OPRK1: variants seen among roughly 807,000 people sequenced by gnomAD.
OPRK1 encodes opioid receptor kappa 1.
In OPRK1, 15 loss-of-function variants were observed where a neutral mutation model predicts 24.5. That is an observed-to-expected ratio of 0.61 (90% CI 0.41 to 0.94). The LOEUF is 0.94. Ranked by LOEUF, OPRK1 falls within the 40% of genes least tolerant of loss-of-function variation. OPRK1 has a pLI of 0.00. For missense variants in OPRK1, 479 were observed against 507.3 expected (o/e 0.94, Z 0.54); for synonymous variants, 205 against 198.0 (o/e 1.04, Z -0.30).
chr8:53,239,441 G>A (rs769764772), intron 2 of OPRK1, among the ~76,000 whole-genome samples: 1 of 152,252 alleles, frequency 6.6e-6, no homozygotes, highest in Non-Finnish European at 1.5e-5. Context: ...TTTCTGGCTA[G>A]TGTCTTATTC....
rs1052892759 is a variant in OPRK1 at position 53,229,134 on chromosome 8, C to G, written c.*163G>C. 2 of 779,032 alleles carry G rather than the reference C, an allele frequency of 2.6e-6. No individual in the cohort carries two copies. The highest frequency in any genetic ancestry group is 3.5e-5 in the African/African-American group (2 of 56,636). 48.3% of individuals were successfully genotyped at this position (779,032 alleles called of 1,614,324 possible). On this transcript the variant is annotated 3_prime_UTR_variant, in exon 4 of 4. Transcript: ENST00000265572. Reference sequence around the variant, plus strand: ...TTTTGTCCTTGATGTTTCCACTGATCACGAACGTGGTCTGCATCTGATGAC... The same window carrying G: ...TTTTGTCCTTGATGTTTCCACTGATGACGAACGTGGTCTGCATCTGATGAC...
intron 3 of OPRK1, among the ~76,000 whole-genome samples, chr8:53,230,380 A>G (rs1165485908): frequency 1.3e-5 from 2 of 152,140 alleles, no homozygotes; most frequent in Non-Finnish European, 2.9e-5. Context: ...TTTAAATATG[A>G]CTCAAGTATT....
chr8:53,238,234 T>C (rs1807038604), intron 2 of OPRK1, among the ~76,000 whole-genome samples: 1 of 152,198 alleles, frequency 6.6e-6, no homozygotes, highest in East Asian at 1.9e-4. Context: ...TATGCTATGA[T>C]ATGAAATTAT....
chr8:53,238,087 A>C (rs966897410), intron 2 of OPRK1, among the ~76,000 whole-genome samples: 1 of 152,228 alleles, frequency 6.6e-6, no homozygotes, highest in Non-Finnish European at 1.5e-5. Flanking sequence ...GTGAACGTGA[A>C]TATAAAGCAA....
chr8:53,234,182 C>CAA lies in OPRK1; in HGVS notation c.610+575_610+576dup, dbSNP rs546459906. 2.9e-3 allele frequency among the ~76,000 whole-genome samples: 191 copies of CAA among 65,314 alleles called. 11 individuals are homozygous for CAA. The highest frequency in any genetic ancestry group is 0.011 in the South Asian group (15 of 1,366). 42.8% of individuals were successfully genotyped at this position (65,314 alleles called of 152,430 possible). A position where few individuals can be genotyped will look rare whatever the true frequency, so the allele number is the denominator to read the frequency against. ...CTGGCAACAGAGCAAGACTCTCTCT[C>CAA]AAAAAAAAAAAAAAAAAAAAATCAG... On this transcript the variant is annotated intron_variant, in intron 3 of 3. Transcript: ENST00000265572.
intron 3 of OPRK1, among the ~76,000 whole-genome samples, chr8:53,230,457 T>G (rs1563326356): frequency 6.6e-6 from 1 of 152,160 alleles, no homozygotes; most frequent in Non-Finnish European, 1.5e-5. Context: ...GTAAAACCTT[T>G]GGAGGAGGTG....
At position 53,232,384 on chromosome 8, in the gene OPRK1, A is replaced by G. The variant is rs142182876; in HGVS notation, c.610+2375T>C. Among the ~76,000 whole-genome samples, 746 of 152,326 alleles carry G rather than the reference A, an allele frequency of 4.9e-3. 6 individuals are homozygous for G. Among genetic ancestry groups the G allele is most frequent in the African/African-American group, 0.017 (726 of 41,566 alleles). ...TTATATATTTCAAAATAACTAAAAG[A>G]GTGAAATTGGAATGTTCCTAACACA... is the stretch of plus-strand genomic sequence containing the variant. On this transcript the variant is annotated intron_variant, in intron 3 of 3. Transcript: ENST00000265572.
chr8:53,249,412 A>G (rs1807313927), intron 2 of OPRK1, among the ~76,000 whole-genome samples: 1 of 152,188 alleles, frequency 6.6e-6, no homozygotes, highest in African/African-American at 2.4e-5. Flanking sequence ...AATGACTTGG[A>G]CAAACAATTT....
intron 2 of OPRK1, among the ~76,000 whole-genome samples, chr8:53,237,885 C>G (rs777446738): frequency 6.6e-6 from 1 of 152,162 alleles, no homozygotes; most frequent in Non-Finnish European, 1.5e-5. Context: ...TCAGCAGAGG[C>G]AGGACCTCAG....
At chr8:53,235,598 A>G (rs1310582544) in intron 2 of OPRK1, among the ~76,000 whole-genome samples, 4 of 152,208 alleles carry the variant, frequency 2.6e-5, no homozygotes, top group African/African-American at 9.7e-5. Context: ...ATTTTGATAT[A>G]TGCTCAGTTG....
At chr8:53,234,200 A>AAAAAAAAAAAAAAAAAAAAAC (rs1806930396) in intron 3 of OPRK1, among the ~76,000 whole-genome samples, 1 of 151,264 alleles carries the variant, frequency 6.6e-6, no homozygotes, top group African/African-American at 2.4e-5. Flanking sequence ...AAAAAAAAAA[A>AAAAAAAAAAAAAAAAAAAAAC]AAATCAGTTG....
intron 2 of OPRK1, 58 bp downstream of exon 2, chr8:53,250,723 C>G: frequency 2.8e-5 from 42 of 1,483,800 alleles, no homozygotes; most frequent in Middle Eastern, 3.8e-4. Flanking sequence ...AGTGGCGGGG[C>G]CTGACCCTCA....
intron 3 of OPRK1, 56 bp downstream of exon 3, chr8:53,234,703 A>C: frequency 2.8e-6 from 4 of 1,451,868 alleles, no homozygotes; most frequent in Non-Finnish European, 3.8e-6. Context: ...TCAAATTAAA[A>C]GTCTATGTAA....
Position 53,229,760 on chromosome 8 carries a change from T to C in OPRK1, c.680A>G (p.Lys227Arg). Residue 227 changes from lysine to arginine, a missense_variant, in exon 4 of 4, where the codon AAG (lysine) becomes AGG (arginine). Physicochemically the swap from Lys to Arg is conservative, Grantham distance 26. Transcript: ENST00000265572. ...GAAGGCAAAGATGAAGACGCAGATCTTCATGAAGAGGTCCCACCAGGAGTA... is the reference window on the plus strand; with the variant it reads ...GAAGGCAAAGATGAAGACGCAGATCCTCATGAAGAGGTCCCACCAGGAGTA... ...DDYSWWDLFM[K>R]ICVFIFAFVI... 1 of 1,613,110 alleles carries C rather than the reference T, an allele frequency of 6.2e-7. No homozygotes were observed. The highest frequency in any genetic ancestry group is 8.5e-7 in the Non-Finnish European group (1 of 1,179,598).
intron 3 of OPRK1, among the ~76,000 whole-genome samples, chr8:53,232,173 G>A (rs1464303853): frequency 6.6e-6 from 1 of 151,142 alleles, no homozygotes; most frequent in Admixed American, 6.6e-5. Flanking sequence ...ATCATATTTG[G>A]GAGGTTAAAA....
intron 2 of OPRK1, chr8:53,242,441 A>T (rs1807135916): frequency 6.3e-6 from 1 of 158,618 alleles, no homozygotes; most frequent in Non-Finnish European, 1.4e-5. Context: ...TGAGCTCAAC[A>T]GGAGCTCTGA....
chr8:53,234,682 C>T (rs16918900), intron 3 of OPRK1, 77 bp downstream of exon 3: 56,082 of 1,257,100 alleles, frequency 0.045, 1,443 homozygotes, highest in African/African-American at 0.063. Flanking sequence ...AAATATGTGG[C>T]CTACTCACGC....
chr8:53,229,355 T>C lies in OPRK1; in HGVS notation c.1085A>G (p.Asn362Ser). 1.9e-6 allele frequency: 3 copies of C among 1,614,204 alleles called. No homozygotes were observed. Among genetic ancestry groups the C allele is most frequent in the Non-Finnish European group, 2.5e-6 (3 of 1,180,042 alleles). Residue 362 changes from asparagine to serine, a missense_variant, in exon 4 of 4, where the codon AAT (asparagine) becomes AGT (serine). Transcript: ENST00000265572. ...MERQSTSRVR[N>S]TVQDPAYLRD... ...CAGGTAAGCAGGATCCTGAACTGTA[T>C]TTCGGACTCTGCTAGTGCTCTGCCG... is the stretch of plus-strand genomic sequence containing the variant.
chr8:53,239,694 G>A (rs1023373067), intron 2 of OPRK1, among the ~76,000 whole-genome samples: 1 of 152,210 alleles, frequency 6.6e-6, no homozygotes, highest in Non-Finnish European at 1.5e-5. Context: ...GCACCAGACT[G>A]GTACTTGATA....
Sources: allele counts gnomAD v4.1 joint callset (sites outside exome capture counted in the v4.1 genomes callset), GRCh38; gene constraint gnomAD v4.1.1; transcripts MANE v1.5; gene names NCBI Gene and HGNC (gene_info 2026-07-23, HGNC 2026-07-21).